Variants in FRMD3 observed in about 807,000 individuals in gnomAD.
FRMD3 encodes the protein FERM domain-containing protein 3.
A neutral mutation model predicts 70.2 loss-of-function variants in FRMD3; 33 were observed. The observed-to-expected ratio is 0.47, with a 90% CI of 0.36 to 0.63. The LOEUF (loss-of-function observed/expected upper bound fraction) is 0.63, where lower values mean the gene tolerates loss of function less well. FRMD3 is among the 20% of genes least tolerant of loss of function. FRMD3 has a pLI of 0.00. For missense variants in FRMD3, 632 were observed against 711.4 expected (o/e 0.89, Z 1.27); for synonymous variants, 279 against 255.9 (o/e 1.09, Z -0.86).
intron 6 of FRMD3, among the ~76,000 whole-genome samples, chr9:83,321,087 TC>T (rs1835783085): frequency 2.0e-5 from 3 of 152,298 alleles, no homozygotes; most frequent in Admixed American, 6.5e-5. Flanking sequence ...TCTTGGTTAG[TC>T]TAGATAATGG....
rs566254531 is a variant in FRMD3, at chr9:83,333,818, C to T, written c.596+1698G>A. Reference sequence around the variant, plus strand: ...GTAACCCAAGGTTCAAGTCCTGACTCCACTATTTACAAAGCACAAGTCCTT... The same window carrying T: ...GTAACCCAAGGTTCAAGTCCTGACTTCACTATTTACAAAGCACAAGTCCTT... On this transcript the variant is annotated intron_variant, in intron 6 of 13. Transcript: ENST00000304195. Among the ~76,000 whole-genome samples, 6 of 152,236 alleles carry T rather than the reference C, an allele frequency of 3.9e-5. No individual in the cohort carries two copies. In the East Asian group the frequency reaches 1.2e-3, roughly 30 times the overall value.
intron 13 of FRMD3, among the ~76,000 whole-genome samples, chr9:83,283,524 C>A (rs1834056191): frequency 9.7e-6 from 1 of 103,316 alleles, no homozygotes; most frequent in Non-Finnish European, 2.0e-5. Flanking sequence ...GAGCGAGAAT[C>A]CATCTCAAAA....
the FRMD3 span, among the ~76,000 whole-genome samples, chr9:83,581,180 G>GA: frequency 2.0e-5 from 3 of 151,812 alleles, no homozygotes; most frequent in Admixed American, 1.3e-4. Context: ...TCCAAAAAGT[G>GA]AAAAAAACCC....
intron 1 of FRMD3, among the ~76,000 whole-genome samples, chr9:83,450,017 A>G (rs1827594279): frequency 6.6e-6 from 1 of 152,206 alleles, no homozygotes; most frequent in Non-Finnish European, 1.5e-5. Context: ...TATTCTTCAC[A>G]TTGAATGCCC....
rs139408184 is a variant in FRMD3 at position 83,332,362 on chromosome 9, GTC to G, written c.596+3152_596+3153del. Among the ~76,000 whole-genome samples, 176 of 150,546 alleles carry G rather than the reference GTC, an allele frequency of 1.2e-3. 1 individual carries two copies. Among genetic ancestry groups the G allele is most frequent in the African/African-American group, 3.8e-3 (154 of 41,022 alleles). ...TTCTTAAAACTCCAAGGAAGAGTCA[GTC>G]TCTCTCTCTCTCTTTCTCTCTCTCT... On this transcript the variant is annotated intron_variant, in intron 6 of 13. Transcript: ENST00000304195.
intron 1 of FRMD3, among the ~76,000 whole-genome samples, chr9:83,462,227 A>G (rs1827996884): frequency 6.6e-6 from 1 of 152,090 alleles, no homozygotes; most frequent in Non-Finnish European, 1.5e-5. Context: ...TGCCATATAA[A>G]TCTGGCTCTG....
Position 83,509,982 on chromosome 9 carries a change from T to C in FRMD3, c.147+28103A>G, listed in dbSNP as rs531091569. On this transcript the variant is annotated intron_variant, in intron 1 of 13. Transcript: ENST00000304195. ...AGAGGATGACATCTGTAACTGACTTTTGAAAGCAATTTGCTTTAAATCTTC... is the reference window on the plus strand; with the variant it reads ...AGAGGATGACATCTGTAACTGACTTCTGAAAGCAATTTGCTTTAAATCTTC... Among the ~76,000 whole-genome samples the C allele has an allele frequency of 2.6e-5, 4 of 152,284 alleles. No individual in the cohort carries two copies. The South Asian group carries it at 8.3e-4, about 32-fold the overall frequency.
intron 3 of FRMD3, among the ~76,000 whole-genome samples, chr9:83,367,819 T>C (rs1824838888): frequency 6.6e-6 from 1 of 152,214 alleles, no homozygotes; most frequent in African/African-American, 2.4e-5. Flanking sequence ...CTATTTCATC[T>C]AAGCAATCAA....
chr9:83,243,099 G>T, downstream of FRMD3: 2 of 1,167,120 alleles, frequency 1.7e-6, no homozygotes, highest in South Asian at 1.3e-5. Flanking sequence ...GAGCCCACTG[G>T]GTGGGGCCCA....
chr9:83,442,618 T>C (rs965868983), intron 1 of FRMD3, among the ~76,000 whole-genome samples: 3 of 152,036 alleles, frequency 2.0e-5, no homozygotes, highest in African/African-American at 7.2e-5. Flanking sequence ...GTCTGACTCC[T>C]GAGCCTGAGC....
intron 1 of FRMD3, among the ~76,000 whole-genome samples, chr9:83,419,443 TGA>T (rs1215261168): frequency 7.0e-6 from 1 of 143,098 alleles, no homozygotes. Context: ...GGGGCTGCTG[TGA>T]GAGAGTGTGT....
chr9:83,506,109 T>C (rs2131521194), intron 1 of FRMD3, among the ~76,000 whole-genome samples: 1 of 152,182 alleles, frequency 6.6e-6, no homozygotes, highest in East Asian at 1.9e-4. Context: ...CCTGGATGAG[T>C]CGGTTGTTCT....
At chr9:83,290,537 C>T (rs1011219681) in intron 13 of FRMD3, 66 bp downstream of exon 13, 58 of 1,583,102 alleles carry the variant, frequency 3.7e-5, no homozygotes, top group Admixed American at 3.2e-4. Flanking sequence ...GCAGAATTGG[C>T]GCCTCCCTTG....
chr9:83,538,003 C>A lies in FRMD3; in HGVS notation c.147+82G>T. On this transcript the variant is annotated intron_variant, in intron 1 of 13. Transcript: ENST00000304195. This position sits in a 1 kb window ranked among gnomAD's most constrained non-coding sequence, Gnocchi z 4.7. Reference sequence around the variant, plus strand: ...CCCAATCCCCTCCGGGAGTGGGTTCCTTGTTCTCGCATGCCCACCGCAAAG... The same window carrying A: ...CCCAATCCCCTCCGGGAGTGGGTTCATTGTTCTCGCATGCCCACCGCAAAG... 1 of 1,507,576 alleles carries A rather than the reference C, an allele frequency of 6.6e-7. No homozygotes were observed. Among genetic ancestry groups the A allele is most frequent in the Admixed American group, 1.8e-5 (1 of 55,924 alleles). 93.4% of individuals were successfully genotyped at this position (1,507,576 alleles called of 1,614,324 possible).
At chr9:83,378,759 A>AC (rs1825255282) in intron 2 of FRMD3, among the ~76,000 whole-genome samples, 1 of 83,682 alleles carries the variant, frequency 1.2e-5, no homozygotes, top group Non-Finnish European at 2.3e-5. Flanking sequence ...ATAATATATA[A>AC]TTTATATTAT....
chr9:83,448,640 C>T (rs1281167148), intron 1 of FRMD3, among the ~76,000 whole-genome samples: 1 of 152,118 alleles, frequency 6.6e-6, no homozygotes, highest in African/African-American at 2.4e-5. Flanking sequence ...GGCCTCTGAG[C>T]CACTCTCCAT....
At chr9:83,309,145 CCCAAATAAGCTACTTGTA>C (rs1357397846) in intron 10 of FRMD3, among the ~76,000 whole-genome samples, 4 of 152,090 alleles carry the variant, frequency 2.6e-5, no homozygotes, top group Non-Finnish European at 5.9e-5. Context: ...TTGATTACAT[CCCAAATAAGCTACTTGTA>C]CCAAACTATC....
At chr9:83,255,404 A>C (rs1169170634) in intron 13 of FRMD3, among the ~76,000 whole-genome samples, 2 of 152,178 alleles carry the variant, frequency 1.3e-5, no homozygotes, top group African/African-American at 2.4e-5. Flanking sequence ...GCCATATGTG[A>C]TAAACCCACA....
intron 1 of FRMD3, among the ~76,000 whole-genome samples, chr9:83,489,401 AT>A (rs1828764198): frequency 1.3e-5 from 2 of 152,192 alleles, no homozygotes; most frequent in Non-Finnish European, 2.9e-5. Flanking sequence ...AACTTAAACA[AT>A]TCAACAAGCA....
Sources: allele counts gnomAD v4.1 joint callset (sites outside exome capture counted in the v4.1 genomes callset), GRCh38; gene constraint gnomAD v4.1.1; non-coding constraint Gnocchi (gnomAD v3.1); transcripts MANE v1.5; gene names NCBI Gene and HGNC (gene_info 2026-07-23, HGNC 2026-07-21).